The following GSTM2 variants were observed in gnomAD, a reference collection of about 807,000 sequenced individuals.
GSTM2 encodes the protein GST class-mu 2.
In GSTM2, 33 loss-of-function variants were observed where a neutral mutation model predicts 33.3. The ratio of observed to expected loss-of-function variants is 0.99; its 90% CI spans 0.75 to 1.33. The LOEUF (loss-of-function observed/expected upper bound fraction) is 1.33, where lower values mean the gene tolerates loss of function less well. Among genes scored for constraint, GSTM2 ranks in the 40% most tolerant of loss-of-function variants. The probability of loss-of-function intolerance (pLI) is 0.00; values close to 1 mark genes in which losing one functional copy is unlikely to be tolerated. For missense variants in GSTM2, 213 were observed against 265.8 expected (o/e 0.80, Z 1.38); for synonymous variants, 93 against 95.6 (o/e 0.97, Z 0.16).
intron 7 of GSTM2, among the ~76,000 whole-genome samples, chr1:109,672,077 C>G (rs919088952): frequency 4.7e-5 from 7 of 148,774 alleles, no homozygotes; most frequent in African/African-American, 1.5e-4. Flanking sequence ...GTCGGGAGTT[C>G]GAGACCAGCC....
rs1364514954 is a variant in GSTM2, at chr1:109,682,491, T to C, written c.567+10908T>C. Among the ~76,000 whole-genome samples the C allele has an allele frequency of 2.5e-3, 256 of 101,656 alleles. 19 individuals carry two copies. Among genetic ancestry groups the C allele is most frequent in the African/African-American group, 4.0e-3 (137 of 34,258 alleles). The allele number at this position is 101,656 out of a possible 152,430, so 66.7% of individuals were successfully genotyped here. On this transcript the variant is annotated intron_variant, in intron 7 of 7. Transcript: ENST00000369831. ...TCCTGACCTCGTGATCCGCCCGCCT[T>C]GGCCTCCCAAAGTGTGGGGATTACA...
intron 7 of GSTM2, among the ~76,000 whole-genome samples, chr1:109,673,897 A>C (rs977937257): frequency 1.3e-5 from 2 of 152,124 alleles, no homozygotes; most frequent in Non-Finnish European, 2.9e-5. Context: ...GATGTTTTTG[A>C]ATACCTTATC....
chr1:109,668,349 G>T, intron 1 of GSTM2, 76 bp from the exon 2 acceptor site: 2 of 1,522,596 alleles, frequency 1.3e-6, no homozygotes, highest in Non-Finnish European at 1.8e-6. Context: ...GAGGAGATGG[G>T]GCTCCCCTTG....
chr1:109,669,560 G>C lies in GSTM2; in HGVS notation c.349G>C (p.Asp117His). The change falls in exon 5 of 8, where the codon GAC becomes CAC. Residue 117 changes from aspartate (D) to histidine (H), a missense_variant. Coordinates refer to ENST00000241337, the MANE Select transcript of GSTM2 (RefSeq NM_000848.4). ...SRMQLAKLCY[D>H]PDFEKLKPEY... ...TATGCAGCTGGCCAAACTCTGCTAT[G>C]ACCCAGATTTTGTAAGTCCCCCCAC... 1 of 1,603,332 alleles carries C rather than the reference G, an allele frequency of 6.2e-7. No individual in the cohort carries two copies. The highest frequency in any genetic ancestry group is 1.1e-5 in the South Asian group (1 of 90,906).
At chr1:109,672,061 C>T (rs1647561046) in intron 7 of GSTM2, among the ~76,000 whole-genome samples, 2 of 150,868 alleles carry the variant, frequency 1.3e-5, no homozygotes, top group Non-Finnish European at 2.9e-5. Context: ...GGGTGGATCA[C>T]CTGAGGTCGG....
intron 2 of GSTM2, 149 bp downstream of exon 2, chr1:109,668,649 G>C: frequency 1.0e-6 from 1 of 971,978 alleles, no homozygotes; most frequent in Non-Finnish European, 1.6e-6. Flanking sequence ...GGAGCTCCTT[G>C]CAAGGCAGAA....
chr1:109,668,909 A>C lies in GSTM2; in HGVS notation c.113-16A>C, dbSNP rs374179090. 1.2e-6 allele frequency: 2 copies of C among 1,611,936 alleles called. No homozygotes were observed. Among genetic ancestry groups the C allele is most frequent in the South Asian group, 2.2e-5 (2 of 90,982 alleles). ...CTTTGGGGAGGTTTGTTTTCACTTC[A>C]TCTTCCCCACCACAGCTCCTGATTA... On this transcript the variant is annotated splice_polypyrimidine_tract_variant and intron_variant, in intron 2 of 7. Coordinates refer to ENST00000241337, the MANE Select transcript of GSTM2 (RefSeq NM_000848.4).
downstream of GSTM2, among the ~76,000 whole-genome samples, chr1:109,678,384 AC>A (rs1181497655): frequency 6.6e-6 from 1 of 151,790 alleles, no homozygotes; most frequent in Non-Finnish European, 1.5e-5. Flanking sequence ...TTATCCACCC[AC>A]CTCTACCCCT....
Position 109,668,994 on chromosome 1 carries a change from G to T in GSTM2, c.177+5G>T, listed in dbSNP as rs773182714. Reference sequence around the variant, plus strand: ...CTGGGCCTGGACTTTCCCAATGTAGGTGCAGGGGAAGGGGCGGTTTTGGGG... The same window carrying T: ...CTGGGCCTGGACTTTCCCAATGTAGTTGCAGGGGAAGGGGCGGTTTTGGGG... On this transcript the variant is annotated splice_donor_5th_base_variant and intron_variant, in intron 3 of 7. Coordinates refer to ENST00000241337, the MANE Select transcript of GSTM2 (RefSeq NM_000848.4). 2.5e-6 allele frequency: 4 copies of T among 1,611,784 alleles called. No homozygotes were observed. The African/African-American group carries it at 5.4e-5, about 22-fold the overall frequency.
At chr1:109,679,370 C>A (rs1647800039), downstream of GSTM2, among the ~76,000 whole-genome samples, 2 of 152,078 alleles carry the variant, frequency 1.3e-5, no homozygotes, top group African/African-American at 4.8e-5. Flanking sequence ...ATTCAGGAGG[C>A]TGAGGCACAA....
downstream of GSTM2, among the ~76,000 whole-genome samples, chr1:109,679,992 G>A (rs1381142092): frequency 1.3e-5 from 2 of 152,086 alleles, no homozygotes; most frequent in African/African-American, 2.4e-5. Context: ...CCTATCCTGG[G>A]ACCTCCACAC....
Position 109,668,946 on chromosome 1 carries a change from A to G in GSTM2, c.134A>G (p.Gln45Arg), listed in dbSNP as rs201923867. 4 of 1,612,208 alleles carry G rather than the reference A, an allele frequency of 2.5e-6. No individual in the cohort carries two copies. Among genetic ancestry groups the G allele is most frequent in the Non-Finnish European group, 3.4e-6 (4 of 1,179,846 alleles). Residue 45 changes from glutamine to arginine, a missense_variant, in exon 3 of 8, where the codon CAG becomes CGG. By Grantham distance (43) the Gln-to-Arg change is conservative (BLOSUM62 1). Transcript: ENST00000241337. ...ACAGCTCCTGATTATGACAGAAGCC[A>G]GTGGCTGAATGAAAAATTCAAGCTG... is the stretch of plus-strand genomic sequence containing the variant. ...MGDAPDYDRS[Q>R]WLNEKFKLGL...
At chr1:109,671,973 GAAAAA>G (rs34285855) in intron 7 of GSTM2, among the ~76,000 whole-genome samples, 1 of 76,386 alleles carries the variant, frequency 1.3e-5, no homozygotes, top group East Asian at 3.9e-4. Context: ...TCCATCTCAA[GAAAAA>G]AAAAAAAAAA....
In GSTM2 at chr1:109,668,242, T is replaced by C. The variant is rs901566931; in HGVS notation, c.36+91T>C. 54 of 1,414,764 alleles carry C rather than the reference T, an allele frequency of 3.8e-5. No homozygotes were observed. In the Admixed American group the frequency reaches 9.3e-4, roughly 24 times the overall value. 87.6% of individuals were successfully genotyped at this position (1,414,764 alleles called of 1,614,324 possible). ...CAGGACGGGCTCTAGGGACGGTTCC[T>C]CTTCAGGGCTGTCCCTGACAGCGGG... is the stretch of plus-strand genomic sequence containing the variant. On this transcript the variant is annotated intron_variant, in intron 1 of 7. Coordinates refer to ENST00000241337, the MANE Select transcript of GSTM2 (RefSeq NM_000848.4).
At chr1:109,680,385 C>T (rs366732) in intron 7 of GSTM2, among the ~76,000 whole-genome samples, 36,160 of 149,154 alleles carry the variant, frequency 0.24, 5,914 homozygotes, top group East Asian at 0.67. Context: ...ACCTGGGTTT[C>T]TTTCTATATG....
intron 7 of GSTM2, among the ~76,000 whole-genome samples, chr1:109,682,425 G>A (rs642344): frequency 0.27 from 16,441 of 61,804 alleles, 2,505 homozygotes; most frequent in Non-Finnish European, 0.29. Flanking sequence ...TATTGTCAGT[G>A]GAGACAGGGT....
downstream of GSTM2, among the ~76,000 whole-genome samples, chr1:109,679,878 C>G (rs1259043705): frequency 6.6e-6 from 1 of 152,162 alleles, no homozygotes; most frequent in Admixed American, 6.5e-5. Flanking sequence ...CAAGATTTCT[C>G]TCAGCAAATG....
chr1:109,671,696 G>C, intron 7 of GSTM2, 113 bp downstream of exon 7: 2 of 760,332 alleles, frequency 2.6e-6, no homozygotes, highest in East Asian at 5.1e-5. Context: ...GGCCATGTGC[G>C]GTGGCTCACG....
intron 5 of GSTM2, chr1:109,669,856 A>G: frequency 2.6e-6 from 1 of 389,506 alleles, no homozygotes; most frequent in Non-Finnish European, 4.7e-6. Flanking sequence ...AGTGAGTGCT[A>G]CAGCTCTTAA....
Sources: allele counts gnomAD v4.1 joint callset (sites outside exome capture counted in the v4.1 genomes callset), GRCh38; gene constraint gnomAD v4.1.1; transcripts MANE v1.5; gene names NCBI Gene and HGNC (gene_info 2026-07-23, HGNC 2026-07-21).